TPD52: variants seen among roughly 807,000 people sequenced by gnomAD.
TPD52 encodes the protein prostate and colon associated protein.
Under a neutral mutation model 31.3 loss-of-function variants are expected in TPD52, and 17 were observed. That is an observed-to-expected ratio of 0.54 (90% CI 0.37 to 0.82). TPD52 has a LOEUF of 0.82. TPD52 is among the 40% of genes least tolerant of loss of function. TPD52 has a pLI of 0.00. For missense variants in TPD52, 212 were observed against 240.1 expected (o/e 0.88, Z 0.77); for synonymous variants, 83 against 89.6 (o/e 0.93, Z 0.42).
intron 1 of TPD52, among the ~76,000 whole-genome samples, chr8:80,103,319 C>T (rs1806877553): frequency 6.6e-6 from 1 of 152,198 alleles, no homozygotes; most frequent in Non-Finnish European, 1.5e-5. Flanking sequence ...TCAGAAATCA[C>T]CAACTAACCT....
chr8:80,155,907 A>G (rs1810938566), intron 1 of TPD52, among the ~76,000 whole-genome samples: 1 of 151,926 alleles, frequency 6.6e-6, no homozygotes, highest in Admixed American at 6.6e-5. Context: ...GAAAGAAAAG[A>G]AAAGAAAATA....
intron 1 of TPD52, among the ~76,000 whole-genome samples, chr8:80,079,445 T>A (rs1219894768): frequency 6.6e-6 from 1 of 152,212 alleles, no homozygotes. Flanking sequence ...TGTCGGCAAA[T>A]ACACAAACCT....
chr8:80,166,591 C>T (rs1811731661), intron 1 of TPD52, among the ~76,000 whole-genome samples: 1 of 151,154 alleles, frequency 6.6e-6, no homozygotes, highest in African/African-American at 2.4e-5. Flanking sequence ...TTATAAAATG[C>T]AATATTCAAT....
intron 1 of TPD52, among the ~76,000 whole-genome samples, chr8:80,136,226 A>G (rs1809399891): frequency 6.9e-6 from 1 of 144,694 alleles, no homozygotes; most frequent in African/African-American, 2.5e-5. Context: ...ACAAAAGTTG[A>G]CATTTAAGAA....
chr8:80,070,649 G>A (rs1292053598), intron 1 of TPD52, among the ~76,000 whole-genome samples: 1 of 152,196 alleles, frequency 6.6e-6, no homozygotes, highest in Non-Finnish European at 1.5e-5. Context: ...GTTCCTAACA[G>A]GCCACAGATG....
chr8:80,145,523 G>C (rs537069466), intron 1 of TPD52, among the ~76,000 whole-genome samples: 65 of 152,324 alleles, frequency 4.3e-4, no homozygotes, highest in African/African-American at 1.6e-3. Flanking sequence ...GCACATAGCA[G>C]GTGCTCCGGG....
At chr8:80,039,962 A>G (rs181895653) in intron 7 of TPD52, among the ~76,000 whole-genome samples, 2 of 152,188 alleles carry the variant, frequency 1.3e-5, no homozygotes, top group East Asian at 3.9e-4. Flanking sequence ...CATCTTGCAG[A>G]AGGGGTCCAT....
intron 1 of TPD52, among the ~76,000 whole-genome samples, chr8:80,161,964 A>G (rs1811394607): frequency 6.6e-6 from 1 of 152,096 alleles, no homozygotes. Context: ...CCTGACCCCA[A>G]GTGATCCGCC....
intron 1 of TPD52, among the ~76,000 whole-genome samples, chr8:80,160,510 G>A (rs1216036773): frequency 6.6e-6 from 1 of 151,938 alleles, no homozygotes; most frequent in Non-Finnish European, 1.5e-5. Flanking sequence ...ACTTCCATAT[G>A]GAATATTCCA....
chr8:80,082,566 C>T (rs17459080), intron 1 of TPD52, among the ~76,000 whole-genome samples: 53,321 of 152,196 alleles, frequency 0.35, 11,071 homozygotes, highest in East Asian at 0.71. Context: ...GTATTTACAT[C>T]CATGTGACAC....
At chr8:80,044,301 C>CTAAG in intron 5 of TPD52, 93 bp from the exon 6 acceptor site, 1 of 963,136 alleles carries the variant, frequency 1.0e-6, no homozygotes, top group Non-Finnish European at 1.5e-6. Flanking sequence ...TCCCCAGGAG[C>CTAAG]TTTATTCTCT....
At chr8:80,062,664 A>C (rs906459868) in intron 2 of TPD52, among the ~76,000 whole-genome samples, 3 of 152,174 alleles carry the variant, frequency 2.0e-5, no homozygotes, top group African/African-American at 7.2e-5. Context: ...GTGCTTCCCA[A>C]AAAAACTTGA....
intron 1 of TPD52, among the ~76,000 whole-genome samples, chr8:80,074,483 G>C (rs369744048): frequency 1.7e-4 from 26 of 152,344 alleles, no homozygotes; most frequent in Admixed American, 1.0e-3. Context: ...TAAGCATCCA[G>C]TTAAGGCAGC....
Position 80,106,722 on chromosome 8 carries a change from C to A in TPD52, c.20-42129G>T, listed in dbSNP as rs1807146569. ...ACCCAGTAAACTCATGTGGATAGGA[C>A]ATGAGGAAAGCCAAAATGGACGCAA... On this transcript the variant is annotated intron_variant, in intron 1 of 7. Transcript: ENST00000518937. Among the ~76,000 whole-genome samples the A allele has an allele frequency of 2.7e-5, 4 of 148,298 alleles. No individual in the cohort carries two copies. The South Asian group carries it at 8.5e-4, about 32-fold the overall frequency.
At chr8:80,075,063 T>C (rs868860298) in intron 1 of TPD52, among the ~76,000 whole-genome samples, 1 of 152,098 alleles carries the variant, frequency 6.6e-6, no homozygotes, top group Non-Finnish European at 1.5e-5. Context: ...CACTACAATC[T>C]CTGCCTCCCA....
intron 1 of TPD52, among the ~76,000 whole-genome samples, chr8:80,074,361 G>A (rs1295888836): frequency 6.6e-6 from 1 of 152,194 alleles, no homozygotes; most frequent in Non-Finnish European, 1.5e-5. Flanking sequence ...CTGTGCCTGG[G>A]GCTCCCATTC....
chr8:80,094,161 C>T (rs760167729), intron 1 of TPD52, among the ~76,000 whole-genome samples: 1 of 151,710 alleles, frequency 6.6e-6, no homozygotes, highest in African/African-American at 2.4e-5. Flanking sequence ...AGATAATTAA[C>T]GTTTAGATGG....
rs1404170183 is a variant in TPD52, at chr8:80,171,550, G to T, written c.-107C>A. On this transcript the variant is annotated 5_prime_UTR_variant, in exon 1 of 8. Transcript: ENST00000518937. ...AGAGCTCCTCCTCGCCTCCGCCGGCGACTCCCGCGAAGTCCCCACCCCCAG... is the reference window on the plus strand; with the variant it reads ...AGAGCTCCTCCTCGCCTCCGCCGGCTACTCCCGCGAAGTCCCCACCCCCAG... The T allele has an allele frequency of 2.9e-6, 4 of 1,361,036 alleles. No individual in the cohort carries two copies. The African/African-American group carries it at 4.6e-5, about 16-fold the overall frequency. The allele number at this position is 1,361,036 out of a possible 1,614,324, so 84.3% of individuals were successfully genotyped here.
intron 1 of TPD52, among the ~76,000 whole-genome samples, chr8:80,068,630 G>C (rs957543016): frequency 1.3e-5 from 2 of 152,178 alleles, no homozygotes; most frequent in African/African-American, 4.8e-5. Context: ...CTTTAGGTGG[G>C]GGAGTGACAA....
Sources: gnomAD v4.1 joint callset for allele counts (sites outside exome capture counted in the v4.1 genomes callset) on GRCh38, gnomAD v4.1.1 for gene constraint, MANE v1.5 for transcripts, NCBI Gene and HGNC (gene_info 2026-07-23, HGNC 2026-07-21) for gene names.